GALNT13: variants seen among roughly 807,000 people sequenced by gnomAD.
GALNT13 encodes UDP-GalNAc:polypeptide N-acetylgalactosaminyltransferase 13.
In GALNT13, 28 loss-of-function variants were observed where a neutral mutation model predicts 64.2. That is an observed-to-expected ratio of 0.44 (90% CI 0.32 to 0.60). The LOEUF is 0.60. Ranked by LOEUF, GALNT13 falls within the 20% of genes least tolerant of loss-of-function variation. GALNT13 has a pLI of 0.05. For synonymous variants in GALNT13, 214 were observed against 224.6 expected, an observed-to-expected ratio of 0.95 and a Z score of 0.42; for missense variants, 577 against 669.8, an observed-to-expected ratio of 0.86 and a Z score of 1.53.
the GALNT13 span, among the ~76,000 whole-genome samples, chr2:153,373,132 TTGTGTGTG>T: frequency 1.9e-4 from 29 of 148,850 alleles, no homozygotes; most frequent in Admixed American, 4.0e-4. Context: ...TTCTGTTGCT[TTGTGTGTG>T]TGTGTGTGTG....
the GALNT13 span, among the ~76,000 whole-genome samples, chr2:153,504,730 A>G: frequency 6.6e-6 from 1 of 152,208 alleles, no homozygotes; most frequent in East Asian, 1.9e-4. Flanking sequence ...CCCTGGTATG[A>G]AACCCACTTG....
In GALNT13 at chr2:154,008,441, T is replaced by C. The variant is rs182464507; in HGVS notation, c.142+63802T>C. On this transcript the variant is annotated intron_variant, in intron 3 of 12. Transcript: ENST00000392825. ...ATTATATTTTATTTTTTAAAATCTT[T>C]CATTTTAGGTTTAGGGGTATATGTA... Among the ~76,000 whole-genome samples the C allele has an allele frequency of 1.2e-3, 183 of 152,246 alleles. 2 individuals are homozygous for C. Among genetic ancestry groups the C allele is most frequent in the African/African-American group, 4.4e-3 (181 of 41,558 alleles).
intron 9 of GALNT13, among the ~76,000 whole-genome samples, chr2:154,355,895 T>C (rs1035197448): frequency 4.6e-5 from 7 of 152,068 alleles, no homozygotes; most frequent in Admixed American, 6.6e-5. Flanking sequence ...ATTTTCTTAG[T>C]GACAGGAATC....
chr2:153,845,627 T>G, the GALNT13 span, among the ~76,000 whole-genome samples: 1 of 152,042 alleles, frequency 6.6e-6, no homozygotes, highest in Non-Finnish European at 1.5e-5. Flanking sequence ...TCAAGAGACA[T>G]GATGAAAGAT....
At chr2:154,242,644 A>G in intron 5 of GALNT13, 54 bp from the exon 6 acceptor site, 2 of 1,188,066 alleles carry the variant, frequency 1.7e-6, no homozygotes, top group Non-Finnish European at 1.2e-6. Flanking sequence ...TATCTCTGCT[A>G]TTTCTTAAAA....
intron 3 of GALNT13, among the ~76,000 whole-genome samples, chr2:154,092,122 G>A (rs72621671): frequency 0.086 from 12,658 of 146,884 alleles, 1,458 homozygotes; most frequent in East Asian, 0.62. Context: ...AGTTGTGTAC[G>A]CTTGTTCAGA....
intron 3 of GALNT13, among the ~76,000 whole-genome samples, chr2:154,019,609 C>T (rs1697282624): frequency 3.5e-5 from 2 of 56,616 alleles, no homozygotes; most frequent in Non-Finnish European, 8.5e-5. Flanking sequence ...ACTCCACACA[C>T]ACACACACAC....
chr2:154,306,620 G>GGGT (rs1553512832), intron 9 of GALNT13, among the ~76,000 whole-genome samples: 1 of 149,748 alleles, frequency 6.7e-6, no homozygotes, highest in Non-Finnish European at 1.5e-5. Flanking sequence ...TAATTTGGTG[G>GGGT]GGGGGGGGTC....
the GALNT13 span, among the ~76,000 whole-genome samples, chr2:153,383,880 G>A: frequency 6.6e-6 from 1 of 151,960 alleles, no homozygotes; most frequent in East Asian, 1.9e-4. Context: ...AAGACTCATG[G>A]GGAAAGAGCT....
chr2:153,226,480 A>C, the GALNT13 span, among the ~76,000 whole-genome samples: 1 of 152,176 alleles, frequency 6.6e-6, no homozygotes, highest in Non-Finnish European at 1.5e-5. Context: ...GGTAATTAAG[A>C]TTAACATCAT....
chr2:153,634,859 A>G, the GALNT13 span, among the ~76,000 whole-genome samples: 2 of 151,538 alleles, frequency 1.3e-5, no homozygotes, highest in African/African-American at 4.8e-5. Context: ...GAAAATCTTT[A>G]CTGAGCACAA....
chr2:153,485,939 G>GT, the GALNT13 span, among the ~76,000 whole-genome samples: 1,805 of 152,052 alleles, frequency 0.012, 44 homozygotes, highest in African/African-American at 0.042. Context: ...CCTTCCTTTT[G>GT]TTTTTTTGGT....
At chr2:153,283,005 G>A in the GALNT13 span, among the ~76,000 whole-genome samples, 1 of 152,138 alleles carries the variant, frequency 6.6e-6, no homozygotes, top group Non-Finnish European at 1.5e-5. Flanking sequence ...TGACACTTAT[G>A]GGTAAGTAAC....
At chr2:153,368,735 A>G in the GALNT13 span, among the ~76,000 whole-genome samples, 1 of 152,264 alleles carries the variant, frequency 6.6e-6, no homozygotes, top group East Asian at 1.9e-4. Flanking sequence ...TGGATACTTC[A>G]CCATTCTTCT....
chr2:153,189,964 G>T, the GALNT13 span, among the ~76,000 whole-genome samples: 1 of 151,882 alleles, frequency 6.6e-6, no homozygotes, highest in Non-Finnish European at 1.5e-5. Flanking sequence ...TTATGCTGTT[G>T]TCTGATTTCT....
intron 3 of GALNT13, among the ~76,000 whole-genome samples, chr2:154,073,189 CAT>C (rs1253467504): frequency 1.8e-4 from 27 of 151,640 alleles, no homozygotes; most frequent in Admixed American, 2.0e-4. Flanking sequence ...GCTTCATCCT[CAT>C]GTGTGATGAA....
At chr2:153,462,878 A>C in the GALNT13 span, among the ~76,000 whole-genome samples, 1 of 152,146 alleles carries the variant, frequency 6.6e-6, no homozygotes, top group African/African-American at 2.4e-5. Context: ...ATAACTTCTA[A>C]TCACTGGCAT....
At chr2:153,378,012 A>G in the GALNT13 span, among the ~76,000 whole-genome samples, 1 of 152,170 alleles carries the variant, frequency 6.6e-6, no homozygotes, top group Admixed American at 6.6e-5. Flanking sequence ...TCACTTTATT[A>G]TCTTTGCCAT....
intron 3 of GALNT13, among the ~76,000 whole-genome samples, chr2:154,120,481 G>A (rs1400036725): frequency 2.0e-5 from 3 of 152,152 alleles, no homozygotes; most frequent in African/African-American, 7.2e-5. Context: ...CATGGGGTGA[G>A]CTTTTGGCTA....
Sources: allele counts gnomAD v4.1 joint callset (sites outside exome capture counted in the v4.1 genomes callset), GRCh38; gene constraint gnomAD v4.1.1; transcripts MANE v1.5; gene names NCBI Gene and HGNC (gene_info 2026-07-23, HGNC 2026-07-21).